The following RDH12 variants were observed in gnomAD, a reference collection of about 807,000 sequenced individuals.
RDH12 encodes retinol dehydrogenase 12, also known as all-trans and 9-cis retinol dehydrogenase.
RDH12 carries 21 observed loss-of-function variants against 34.0 expected under a neutral mutation model. The observed-to-expected ratio is 0.62, with a 90% CI of 0.44 to 0.89. The LOEUF is 0.89. Ranked by LOEUF, RDH12 falls within the 40% of genes least tolerant of loss-of-function variation. The pLI is 0.00. For synonymous variants in RDH12, 198 were observed against 169.9 expected, an observed-to-expected ratio of 1.17 and a Z score of -1.29; for missense variants, 394 against 398.6, an observed-to-expected ratio of 0.99 and a Z score of 0.10.
intron 1 of RDH12, among the ~76,000 whole-genome samples, chr14:67,707,502 C>T: frequency 6.6e-6 from 1 of 152,158 alleles, no homozygotes; most frequent in East Asian, 1.9e-4. Context: ...GATCTCAGCT[C>T]ACTGCAACCT....
Position 67,729,405 on chromosome 14 carries a change from TCCA to T in RDH12, c.848+31_848+33del, listed in dbSNP as rs758407015. On this transcript the variant is annotated intron_variant, in intron 8 of 8. Coordinates refer to ENST00000551171, the MANE Select transcript of RDH12 (RefSeq NM_152443.3). ...GGTGTGTGAAGGCAATGCGGTTCTC[TCCA>T]CCACCTGTGTGCATGGGAGGTGCCG... 7 of 1,593,660 alleles carry T rather than the reference TCCA, an allele frequency of 4.4e-6. No individual in the cohort carries two copies. The East Asian group carries it at 1.3e-4, about 30-fold the overall frequency.
At chr14:67,729,709 G>T (rs1304204303) in intron 8 of RDH12, 1 of 540,090 alleles carries the variant, frequency 1.9e-6, no homozygotes. Context: ...TTAAGCTTTT[G>T]GCTCACTTGA....
At chr14:67,706,264 TA>T (rs1313454260) in intron 1 of RDH12, 2 of 152,258 alleles carry the variant, frequency 1.3e-5, no homozygotes, top group Non-Finnish European at 2.9e-5. Context: ...ATTTTAAAAA[TA>T]AAATAAAAAT....
At chr14:67,708,709 T>C (rs1046035186) in intron 1 of RDH12, among the ~76,000 whole-genome samples, 1 of 152,112 alleles carries the variant, frequency 6.6e-6, no homozygotes, top group African/African-American at 2.4e-5. Context: ...CACCATTTCA[T>C]ATTTGACTAT....
chr14:67,723,733 G>C (rs544868903), intron 3 of RDH12, among the ~76,000 whole-genome samples: 1 of 152,326 alleles, frequency 6.6e-6, no homozygotes, highest in East Asian at 1.9e-4. Flanking sequence ...ATTACATATG[G>C]AAAGTGCCTA....
intron 1 of RDH12, chr14:67,717,889 C>T (rs1033840333): frequency 1.1e-4 from 17 of 152,272 alleles, no homozygotes; most frequent in Admixed American, 4.6e-4. Flanking sequence ...CACAGTGAGA[C>T]CCTGTCTCTA....
chr14:67,729,968 T>G, intron 8 of RDH12: 1 of 376,162 alleles, frequency 2.7e-6, no homozygotes, highest in East Asian at 7.2e-5. Context: ...GTTGTCCCGC[T>G]TTGTTCAAGG....
At position 67,733,975 on chromosome 14, in the gene RDH12, C is replaced by A; in HGVS notation, c.*127C>A. On this transcript the variant is annotated 3_prime_UTR_variant, in exon 9 of 9. Transcript: ENST00000551171. ...TGCTGCGAATCCTGCCTGCTCTGAT[C>A]CTCTTGACCCTTCTGGGAATGTTTG... 2 of 679,808 alleles carry A rather than the reference C, an allele frequency of 2.9e-6. No homozygotes were observed. Among genetic ancestry groups the A allele is most frequent in the Non-Finnish European group, 5.4e-6 (2 of 373,478 alleles). The allele number at this position is 679,808 out of a possible 1,614,324, so 42.1% of individuals were successfully genotyped here.
chr14:67,711,389 TC>T (rs1594859965), intron 1 of RDH12, among the ~76,000 whole-genome samples: 2 of 152,354 alleles, frequency 1.3e-5, no homozygotes, highest in East Asian at 3.9e-4. Context: ...TTAAGACATT[TC>T]TAATATTACT....
At chr14:67,731,445 C>T (rs1173258047) in intron 8 of RDH12, among the ~76,000 whole-genome samples, 2 of 151,754 alleles carry the variant, frequency 1.3e-5, no homozygotes, top group East Asian at 1.9e-4. Flanking sequence ...GAACTCCTGA[C>T]CTCAAGTGAT....
intron 8 of RDH12, 37 bp downstream of exon 8, chr14:67,729,417 G>C (rs942579097): frequency 1.3e-6 from 2 of 1,579,196 alleles, no homozygotes; most frequent in Non-Finnish European, 1.7e-6. Flanking sequence ...CACCACCTGT[G>C]TGCATGGGAG....
Position 67,724,529 on chromosome 14 carries a change from T to A in RDH12, c.125T>A (p.Val42Glu). The A allele has an allele frequency of 6.2e-7, 1 of 1,613,866 alleles. No individual in the cohort carries two copies. The highest frequency in any genetic ancestry group is 8.5e-7 in the Non-Finnish European group (1 of 1,179,888). The change falls in exon 4 of 9, where the codon GTG becomes GAG. Residue 42 changes from valine to glutamate, a missense_variant. Coordinates refer to ENST00000551171, the MANE Select transcript of RDH12 (RefSeq NM_152443.3). ...RTNVQLPGKV[V>E]VITGANTGIG... is the part of the protein sequence containing the mutation. ...AATGTGCAGCTTCCTGGCAAGGTAG[T>A]GGTGATCACTGGCGCCAACACGGGC...
At chr14:67,712,604 A>G (rs1056992992) in intron 1 of RDH12, among the ~76,000 whole-genome samples, 3 of 152,070 alleles carry the variant, frequency 2.0e-5, no homozygotes, top group Non-Finnish European at 4.4e-5. Flanking sequence ...CTTTTAATTA[A>G]GCTGACTTTT....
intron 8 of RDH12, chr14:67,729,626 C>G (rs906368365): frequency 1.6e-6 from 1 of 621,890 alleles, no homozygotes; most frequent in African/African-American, 1.8e-5. Flanking sequence ...AACTTTGCAG[C>G]TTTCTGAAAG....
At chr14:67,729,974 C>G (rs1321732460) in intron 8 of RDH12, among the ~76,000 whole-genome samples, 1 of 152,144 alleles carries the variant, frequency 6.6e-6, no homozygotes, top group Non-Finnish European at 1.5e-5. Flanking sequence ...CCGCTTTGTT[C>G]AAGGCTTTTC....
At position 67,733,920 on chromosome 14, in the gene RDH12, C is replaced by A; in HGVS notation, c.*72C>A. On this transcript the variant is annotated 3_prime_UTR_variant, in exon 9 of 9. Transcript: ENST00000551171. ...GAACAGGGACCAAGGAGAAGGCCAACCCTAAAGGATTGTCCTCTTGGCCAG... is the reference window on the plus strand; with the variant it reads ...GAACAGGGACCAAGGAGAAGGCCAAACCTAAAGGATTGTCCTCTTGGCCAG... 1 of 1,143,158 alleles carries A rather than the reference C, an allele frequency of 8.7e-7. No homozygotes were observed. The highest frequency in any genetic ancestry group is 1.3e-6 in the Non-Finnish European group (1 of 761,914). The allele number at this position is 1,143,158 out of a possible 1,614,324, so 70.8% of individuals were successfully genotyped here. A position where few individuals can be genotyped will look rare whatever the true frequency, so the allele number is the denominator to read the frequency against.
At chr14:67,722,396 A>G (rs993845565) in intron 2 of RDH12, 28 bp from the exon 3 acceptor site, 2 of 587,122 alleles carry the variant, frequency 3.4e-6, no homozygotes, top group Admixed American at 2.9e-5. Flanking sequence ...GTAAGCTTCA[A>G]ACCTTGACTC....
chr14:67,719,101 C>A (rs541470078), intron 1 of RDH12, among the ~76,000 whole-genome samples: 1 of 152,300 alleles, frequency 6.6e-6, no homozygotes, highest in African/African-American at 2.4e-5. Context: ...AAGGGGGACT[C>A]CTCATATCGG....
chr14:67,718,869 G>A (rs1015999681), intron 1 of RDH12, among the ~76,000 whole-genome samples: 3 of 151,926 alleles, frequency 2.0e-5, no homozygotes. Flanking sequence ...AGCTTTATTT[G>A]TGATACTGCA....
Sources: allele counts gnomAD v4.1 joint callset (sites outside exome capture counted in the v4.1 genomes callset), GRCh38; gene constraint gnomAD v4.1.1; transcripts MANE v1.5; gene names NCBI Gene and HGNC (gene_info 2026-07-23, HGNC 2026-07-21).